ZFPM2: variants seen among roughly 807,000 people sequenced by gnomAD.
ZFPM2 encodes the protein zinc finger protein, FOG family member 2, also known as zinc finger protein ZFPM2.
In ZFPM2, 20 loss-of-function variants were observed where a neutral mutation model predicts 98.6. The observed-to-expected ratio is 0.20, with a 90% CI of 0.14 to 0.29. ZFPM2 has a LOEUF of 0.29. ZFPM2 is among the 10% of genes least tolerant of loss of function. The pLI is 1.00. For missense variants in ZFPM2, 1,310 were observed against 1,388.6 expected (o/e 0.94, Z 0.90); for synonymous variants, 518 against 502.7 (o/e 1.03, Z -0.41).
At chr8:105,495,310 G>A (rs1813443974) in intron 3 of ZFPM2, among the ~76,000 whole-genome samples, 1 of 152,118 alleles carries the variant, frequency 6.6e-6, no homozygotes, top group Admixed American at 6.5e-5. Flanking sequence ...TTTGTTCCCT[G>A]GGTGCAGCAC....
chr8:105,718,440 A>G (rs1586217636), intron 5 of ZFPM2, among the ~76,000 whole-genome samples: 2 of 152,128 alleles, frequency 1.3e-5, no homozygotes, highest in African/African-American at 4.8e-5. Context: ...GAGATTCACC[A>G]TCAGATTATA....
At chr8:105,724,650 G>C (rs1182903452) in intron 5 of ZFPM2, among the ~76,000 whole-genome samples, 1 of 151,752 alleles carries the variant, frequency 6.6e-6, no homozygotes, top group Non-Finnish European at 1.5e-5. Flanking sequence ...ATAATTAACT[G>C]TATGCAGTTA....
intron 3 of ZFPM2, among the ~76,000 whole-genome samples, chr8:105,483,462 C>T (rs1420782828): frequency 2.0e-5 from 3 of 151,338 alleles, no homozygotes; most frequent in Non-Finnish European, 2.9e-5. Context: ...TGGTGGCAGG[C>T]GCCTGTAATC....
intron 1 of ZFPM2, among the ~76,000 whole-genome samples, chr8:105,324,997 T>C (rs1225667567): frequency 1.3e-5 from 2 of 151,902 alleles, no homozygotes; most frequent in South Asian, 2.1e-4. Context: ...ATGTTAACTT[T>C]GGAGTTCTTA....
At chr8:105,455,822 A>C (rs1275949714) in intron 3 of ZFPM2, among the ~76,000 whole-genome samples, 1 of 152,202 alleles carries the variant, frequency 6.6e-6, no homozygotes, top group Non-Finnish European at 1.5e-5. Context: ...TGGATTTTTA[A>C]TATGGCACGG....
rs767599745 is a variant in ZFPM2, at chr8:105,801,275, A to G, written c.1193A>G (p.Glu398Gly). Residue 398 changes from glutamate (E) to glycine (G), a missense_variant, in exon 8 of 8, where the codon GAA (glutamate) becomes GGA (glycine). Physicochemically the swap from Glu to Gly is moderately conservative, Grantham distance 98 (BLOSUM62 -2). Transcript: ENST00000407775. ...AAACTTCCCAGAGAAAGTGACATGG[A>G]ACACTCTCCAAGTGCAACTGAAGAC... ...SGKLPRESDM[E>G]HSPSATEDSL... 6.2e-7 allele frequency: 1 copy of G among 1,613,912 alleles called. No individual in the cohort carries two copies. Among genetic ancestry groups the G allele is most frequent in the East Asian group, 2.2e-5 (1 of 44,858 alleles).
intron 5 of ZFPM2, among the ~76,000 whole-genome samples, chr8:105,653,221 G>A (rs1479514564): frequency 2.0e-5 from 3 of 151,944 alleles, no homozygotes; most frequent in Non-Finnish European, 4.4e-5. Flanking sequence ...CCTATCTCAG[G>A]ACAAATTAAG....
chr8:105,689,455 G>T (rs978298657), intron 5 of ZFPM2, among the ~76,000 whole-genome samples: 1 of 152,216 alleles, frequency 6.6e-6, no homozygotes. Context: ...AAGCATTTCT[G>T]CTGATACACA....
At chr8:105,349,181 A>G (rs765519747) in intron 1 of ZFPM2, among the ~76,000 whole-genome samples, 3 of 152,152 alleles carry the variant, frequency 2.0e-5, no homozygotes, top group Non-Finnish European at 2.9e-5. Context: ...TTAAGGCCAG[A>G]ATTCTGAAAT....
intron 5 of ZFPM2, chr8:105,737,173 T>C (rs1812094046): frequency 6.6e-6 from 1 of 151,990 alleles, no homozygotes; most frequent in African/African-American, 2.4e-5. Flanking sequence ...TTTGAGAAGA[T>C]TTCCTCTCAA....
chr8:105,580,033 T>A (rs1264661955), intron 4 of ZFPM2, among the ~76,000 whole-genome samples: 1 of 152,156 alleles, frequency 6.6e-6, no homozygotes, highest in East Asian at 1.9e-4. Context: ...TGTAAAATAG[T>A]TCTCTAGACC....
At chr8:105,549,824 T>C (rs1225447636) in intron 3 of ZFPM2, among the ~76,000 whole-genome samples, 1 of 151,790 alleles carries the variant, frequency 6.6e-6, no homozygotes, top group African/African-American at 2.4e-5. Context: ...TATGTGACCA[T>C]GCTGTTCTCA....
intron 3 of ZFPM2, among the ~76,000 whole-genome samples, chr8:105,455,948 C>T (rs746752855): frequency 4.6e-5 from 7 of 151,996 alleles, no homozygotes; most frequent in Non-Finnish European, 8.8e-5. Context: ...TAGCAGTGTA[C>T]TCATGGCAGT....
At chr8:105,711,598 G>C (rs556776762) in intron 5 of ZFPM2, among the ~76,000 whole-genome samples, 1 of 151,980 alleles carries the variant, frequency 6.6e-6, no homozygotes, top group East Asian at 1.9e-4. Flanking sequence ...AAAATATTCA[G>C]AGTGCATACT....
intron 1 of ZFPM2, among the ~76,000 whole-genome samples, chr8:105,327,817 A>G (rs1352148710): frequency 6.6e-6 from 1 of 151,708 alleles, no homozygotes; most frequent in Non-Finnish European, 1.5e-5. Flanking sequence ...AAAAGTTTTA[A>G]ATTTATTTTT....
intron 5 of ZFPM2, among the ~76,000 whole-genome samples, chr8:105,760,149 T>C (rs1465792475): frequency 6.6e-6 from 1 of 151,758 alleles, no homozygotes; most frequent in Non-Finnish European, 1.5e-5. Context: ...GGGGAGAGTA[T>C]TGGCCAGACA....
At chr8:105,502,269 A>C (rs1813611277) in intron 3 of ZFPM2, among the ~76,000 whole-genome samples, 1 of 152,192 alleles carries the variant, frequency 6.6e-6, no homozygotes, top group Non-Finnish European at 1.5e-5. Context: ...GATAGAGTTG[A>C]TTATACCCAT....
At position 105,487,615 on chromosome 8, in the gene ZFPM2, G is replaced by A. The variant is rs181708167; in HGVS notation, c.301+43234G>A. Among the ~76,000 whole-genome samples, 192 of 152,224 alleles carry A rather than the reference G, an allele frequency of 1.3e-3. 1 individual carries two copies. Among genetic ancestry groups the A allele is most frequent in the South Asian group, 2.3e-3 (11 of 4,820 alleles). ...CATTCATAAATTAATGGACATGAATGTGTTCCAGTGAAACTTTATTTACAA... is the reference window on the plus strand; with the variant it reads ...CATTCATAAATTAATGGACATGAATATGTTCCAGTGAAACTTTATTTACAA... On this transcript the variant is annotated intron_variant, in intron 3 of 7. Coordinates refer to ENST00000407775, the MANE Select transcript of ZFPM2 (RefSeq NM_012082.4).
intron 4 of ZFPM2, among the ~76,000 whole-genome samples, chr8:105,592,797 A>G (rs534363540): frequency 1.4e-4 from 21 of 152,262 alleles, no homozygotes; most frequent in South Asian, 2.1e-4. Flanking sequence ...CTTCAGAATT[A>G]TCTCCCGCCT....
Sources: gnomAD v4.1 joint callset for allele counts (sites outside exome capture counted in the v4.1 genomes callset) on GRCh38, gnomAD v4.1.1 for gene constraint, MANE v1.5 for transcripts, NCBI Gene and HGNC (gene_info 2026-07-23, HGNC 2026-07-21) for gene names.